Variants in WDPCP observed in about 807,000 individuals in gnomAD.
The protein encoded by WDPCP is WD repeat-containing and planar cell polarity effector protein fritz homolog.
Under a neutral mutation model 93.1 loss-of-function variants are expected in WDPCP, and 71 were observed. That is an observed-to-expected ratio of 0.76 (90% CI 0.63 to 0.93). The LOEUF is 0.93. Ranked by LOEUF, WDPCP falls within the 40% of genes least tolerant of loss-of-function variation. The pLI is 0.00. For missense variants in WDPCP, 844 were observed against 887.4 expected (o/e 0.95, Z 0.62); for synonymous variants, 315 against 315.0 (o/e 1.00, Z 0.00).
At chr2:63,216,567 G>C (rs746899997) in intron 14 of WDPCP, among the ~76,000 whole-genome samples, 2 of 152,096 alleles carry the variant, frequency 1.3e-5, no homozygotes, top group Admixed American at 6.6e-5. Flanking sequence ...CGTGGTATTG[G>C]GGGAGGGGAG....
chr2:63,137,687 G>C (rs1453219998), intron 17 of WDPCP, among the ~76,000 whole-genome samples: 1 of 151,974 alleles, frequency 6.6e-6, no homozygotes, highest in African/African-American at 2.4e-5. Context: ...TATAGTTTTG[G>C]GTTTTACATT....
intron 6 of WDPCP, among the ~76,000 whole-genome samples, chr2:63,450,636 A>G (rs1698177925): frequency 6.6e-6 from 1 of 152,152 alleles, no homozygotes; most frequent in Non-Finnish European, 1.5e-5. Context: ...TGGGGCCTGA[A>G]GACTAGCCCA....
chr2:63,789,422 A>G (rs529986826), intron 2 of WDPCP, among the ~76,000 whole-genome samples: 19 of 152,314 alleles, frequency 1.2e-4, no homozygotes, highest in African/African-American at 4.6e-4. Context: ...ATTTGTTGAA[A>G]GGAACACTCT....
At chr2:63,813,438 T>C (rs562662416) in intron 2 of WDPCP, among the ~76,000 whole-genome samples, 1 of 152,276 alleles carries the variant, frequency 6.6e-6, no homozygotes, top group Non-Finnish European at 1.5e-5. Flanking sequence ...AACTCATATT[T>C]CTCTGGTCAC....
At chr2:63,126,258 T>A (rs1237862929) in intron 17 of WDPCP, among the ~76,000 whole-genome samples, 1 of 152,156 alleles carries the variant, frequency 6.6e-6, no homozygotes, top group Non-Finnish European at 1.5e-5. Context: ...TGAGTGTGAA[T>A]ATAGAATGCT....
chr2:63,451,915 T>C (rs1357299748), intron 6 of WDPCP, among the ~76,000 whole-genome samples: 1 of 152,148 alleles, frequency 6.6e-6, no homozygotes, highest in Non-Finnish European at 1.5e-5. Flanking sequence ...AAACTCTCAA[T>C]AAATTAGGTA....
At chr2:63,421,289 C>T (rs998616688) in intron 9 of WDPCP, among the ~76,000 whole-genome samples, 3 of 152,046 alleles carry the variant, frequency 2.0e-5, no homozygotes, top group Admixed American at 6.5e-5. Flanking sequence ...CTTATGCATA[C>T]TTTTGGGCAT....
At chr2:63,721,263 T>A (rs950913590) in intron 2 of WDPCP, among the ~76,000 whole-genome samples, 8 of 152,228 alleles carry the variant, frequency 5.3e-5, no homozygotes, top group Non-Finnish European at 7.3e-5. Flanking sequence ...CACTTCAGAG[T>A]GGTGTCATGA....
At chr2:63,677,392 T>C (rs1272569834) in intron 2 of WDPCP, among the ~76,000 whole-genome samples, 1 of 152,110 alleles carries the variant, frequency 6.6e-6, no homozygotes, top group Admixed American at 6.6e-5. Flanking sequence ...AAGATCCAGA[T>C]ACTGAAGTTA....
chr2:63,209,527 TG>T (rs1353633678), intron 14 of WDPCP, among the ~76,000 whole-genome samples: 3 of 152,306 alleles, frequency 2.0e-5, no homozygotes, highest in African/African-American at 7.2e-5. Context: ...AAGTTTTTAG[TG>T]GGTCCTGTAG....
At chr2:63,248,566 T>C (rs1221302015) in intron 14 of WDPCP, among the ~76,000 whole-genome samples, 1 of 152,172 alleles carries the variant, frequency 6.6e-6, no homozygotes, top group Non-Finnish European at 1.5e-5. Flanking sequence ...TCCATGTATT[T>C]CCTAAAATTT....
At chr2:63,664,066 T>G (rs1008372867) in intron 2 of WDPCP, among the ~76,000 whole-genome samples, 3 of 152,268 alleles carry the variant, frequency 2.0e-5, no homozygotes, top group African/African-American at 7.2e-5. Context: ...GTTAGGCACA[T>G]GTTTGTCTCA....
At chr2:63,589,239 G>T (rs1440416720), upstream of WDPCP, 1 of 1,556,164 alleles carries the variant, frequency 6.4e-7, no homozygotes, top group Non-Finnish European at 8.7e-7. Context: ...CCACCTTGCG[G>T]GGTATGGGGC....
At chr2:63,632,864 G>A (rs530476878) in intron 3 of WDPCP, among the ~76,000 whole-genome samples, 1 of 152,194 alleles carries the variant, frequency 6.6e-6, no homozygotes, top group East Asian at 1.9e-4. Context: ...GGATATATAG[G>A]AATATGAAGC....
At chr2:63,247,658 T>C (rs11125954) in intron 14 of WDPCP, among the ~76,000 whole-genome samples, 76,247 of 146,228 alleles carry the variant, frequency 0.52, 23,095 homozygotes, top group Non-Finnish European at 0.68. Flanking sequence ...TATGTACCTG[T>C]AAATATTCCA....
Position 63,122,011 on chromosome 2 carries a change from C to G in WDPCP, c.2236G>C (p.Val746Leu). The G allele has an allele frequency of 6.2e-7, 1 of 1,613,276 alleles. No homozygotes were observed. The highest frequency in any genetic ancestry group is 1.7e-4 in the Middle Eastern group (1 of 6,056). ...TTTTCTTTTTTTCTTAATGTTTACA[C>G]CAGACCAAAGTGAATCATTTTGAGA... ...GSLKMIHFGL[V>L] Residue 746 changes from valine to leucine, a missense_variant, in exon 18 of 18, where the codon GTG (valine) becomes CTG (leucine). Transcript: ENST00000272321.
chr2:63,550,192 AACACACAC>A (rs56155473), intron 1 of WDPCP, among the ~76,000 whole-genome samples: 1,729 of 44,322 alleles, frequency 0.039, 28 homozygotes, highest in African/African-American at 0.19. Context: ...CATCTTAAGA[AACACACAC>A]ACACACACAC....
chr2:63,357,529 T>C (rs1280225924), intron 12 of WDPCP, among the ~76,000 whole-genome samples: 1 of 152,054 alleles, frequency 6.6e-6, no homozygotes, highest in African/African-American at 2.4e-5. Context: ...TATCACTGAT[T>C]AGAGAAATGG....
At chr2:63,349,049 G>A (rs1205884284) in intron 12 of WDPCP, among the ~76,000 whole-genome samples, 1 of 152,168 alleles carries the variant, frequency 6.6e-6, no homozygotes, top group Non-Finnish European at 1.5e-5. Context: ...GTTGAAGTAG[G>A]AGAGGTCTGT....
Sources: gnomAD v4.1 joint callset for allele counts (sites outside exome capture counted in the v4.1 genomes callset) on GRCh38, gnomAD v4.1.1 for gene constraint, MANE v1.5 for transcripts, NCBI Gene and HGNC (gene_info 2026-07-23, HGNC 2026-07-21) for gene names.